THTPA: variants seen among roughly 807,000 people sequenced by gnomAD.
The protein encoded by THTPA is thiamine triphosphatase, also known as thiamine-triphosphatase.
In THTPA, 16 loss-of-function variants were observed where a neutral mutation model predicts 16.5. The observed-to-expected ratio is 0.97, with a 90% confidence interval of 0.66 to 1.47. The LOEUF is 1.47. Among genes scored for constraint, THTPA ranks in the 40% most tolerant of loss-of-function variants. The probability of loss-of-function intolerance (pLI) is 0.00; values close to 1 mark genes in which losing one functional copy is unlikely to be tolerated. For synonymous variants in THTPA, 110 were observed against 115.5 expected, an observed-to-expected ratio of 0.95 and a Z score of 0.30; for missense variants, 281 against 280.9, an observed-to-expected ratio of 1.00 and a Z score of 0.00.
rs1396982357 is a variant in THTPA at position 23,559,584 on chromosome 14, C to T, written c.*744C>T. On this transcript the variant is annotated 3_prime_UTR_variant, in exon 2 of 2. Transcript: ENST00000288014. Reference sequence around the variant, plus strand: ...CCCAAATATGGCTTTCCTCACTTCTCAGGCTTTATTGGGCTTTATTTGTGG... The same window carrying T: ...CCCAAATATGGCTTTCCTCACTTCTTAGGCTTTATTGGGCTTTATTTGTGG... 6 of 633,844 alleles carry T rather than the reference C, an allele frequency of 9.5e-6. No homozygotes were observed. Among genetic ancestry groups the T allele is most frequent in the Non-Finnish European group, 1.7e-5 (6 of 355,118 alleles). 39.3% of individuals were successfully genotyped at this position (633,844 alleles called of 1,614,324 possible).
the THTPA span, chr14:23,524,400 C>T: frequency 6.5e-7 from 1 of 1,536,232 alleles, no homozygotes; most frequent in African/African-American, 1.4e-5. This position sits in a 1 kb window ranked among gnomAD's most constrained non-coding sequence, Gnocchi z 5.6. Flanking sequence ...TCCCCTCCTC[C>T]CCCTGCTTCA....
chr14:23,529,990 C>A, the THTPA span: 2 of 1,063,666 alleles, frequency 1.9e-6, no homozygotes. Context: ...CCTCCCTTCC[C>A]CCTGATGAGC....
At chr14:23,531,300 G>C in the THTPA span, 1 of 889,942 alleles carries the variant, frequency 1.1e-6, no homozygotes, top group Non-Finnish European at 1.5e-6. Flanking sequence ...ACTCAAGGTA[G>C]CCTCCACAGT....
intron 1 of THTPA, among the ~76,000 whole-genome samples, chr14:23,557,694 C>T (rs1205948882): frequency 6.6e-6 from 1 of 152,220 alleles, no homozygotes. Flanking sequence ...ATACCTATAG[C>T]CAGATCTCCT....
chr14:23,532,804 T>C, the THTPA span: 12 of 1,536,182 alleles, frequency 7.8e-6, no homozygotes, highest in East Asian at 9.8e-5. Flanking sequence ...TGAGGTGGAG[T>C]TGGAAGTTGG....
chr14:23,559,717 A>G lies in THTPA; in HGVS notation c.*877A>G. 6.2e-7 allele frequency: 1 copy of G among 1,607,900 alleles called. No homozygotes were observed. On this transcript the variant is annotated 3_prime_UTR_variant, in exon 2 of 2. Transcript: ENST00000288014. ...GCTGGGGCCCCCTGGGGTTTGGGAC[A>G]CAGGAGAATTTCAGGCTGTGAGTGG...
chr14:23,535,255 G>A, the THTPA span: 1 of 1,508,746 alleles, frequency 6.6e-7, no homozygotes, highest in Non-Finnish European at 8.9e-7. The surrounding 1 kb of genome is among the most constrained non-coding windows in gnomAD (Gnocchi z 4.5). Flanking sequence ...GGTGTCCGAA[G>A]GCAGGGACGG....
chr14:23,549,357 A>G, the THTPA span, among the ~76,000 whole-genome samples: 1 of 152,030 alleles, frequency 6.6e-6, no homozygotes, highest in Admixed American at 6.6e-5. Context: ...GAAATCGTCC[A>G]TCTTCTGCCC....
the THTPA span, among the ~76,000 whole-genome samples, chr14:23,538,810 G>A: frequency 1.3e-5 from 2 of 152,158 alleles, no homozygotes; most frequent in African/African-American, 2.4e-5. Flanking sequence ...AGGGCTGGGG[G>A]CCTCTGTGAA....
chr14:23,524,540 G>A, the THTPA span: 2 of 1,527,256 alleles, frequency 1.3e-6, no homozygotes, highest in Non-Finnish European at 1.8e-6. The surrounding 1 kb of genome is among the most constrained non-coding windows in gnomAD (Gnocchi z 5.6). Context: ...GAGTTGGGGG[G>A]GAGCACTGGG....
At chr14:23,541,867 C>G in the THTPA span, among the ~76,000 whole-genome samples, 2 of 152,086 alleles carry the variant, frequency 1.3e-5, no homozygotes, top group African/African-American at 4.8e-5. Flanking sequence ...AGAAAACAAA[C>G]AGTACTTTGA....
At chr14:23,555,391 T>G (rs982451535), upstream of THTPA, among the ~76,000 whole-genome samples, 8 of 152,212 alleles carry the variant, frequency 5.3e-5, no homozygotes, top group African/African-American at 1.9e-4. Context: ...AGTCTAGCAC[T>G]CAAGGCTTTT....
At chr14:23,516,376 G>T in the THTPA span, among the ~76,000 whole-genome samples, 18 of 152,196 alleles carry the variant, frequency 1.2e-4, no homozygotes, top group African/African-American at 4.1e-4. Context: ...TTGTTGTGGG[G>T]TGTGTGTATG....
chr14:23,560,097 T>C lies in THTPA; in HGVS notation c.*1257T>C. ...GTAGGTAGGGCTCAGGCAGCCCCTC[T>C]ATACTCAGTGGCTCCACACCCTTTT... On this transcript the variant is annotated 3_prime_UTR_variant, in exon 2 of 2. Coordinates refer to ENST00000288014, the MANE Select transcript of THTPA (RefSeq NM_024328.6). 7.1e-7 allele frequency: 1 copy of C among 1,409,214 alleles called. No individual in the cohort carries two copies. Among genetic ancestry groups the C allele is most frequent in the East Asian group, 2.4e-5 (1 of 42,368 alleles). The allele number at this position is 1,409,214 out of a possible 1,614,324, so 87.3% of individuals were successfully genotyped here.
At chr14:23,533,823 G>A in the THTPA span, 1 of 1,543,364 alleles carries the variant, frequency 6.5e-7, no homozygotes, top group Non-Finnish European at 8.7e-7. The surrounding 1 kb of genome is among the most constrained non-coding windows in gnomAD (Gnocchi z 4.8). Flanking sequence ...AGCCACAGTT[G>A]TAGCTCTCTC....
At chr14:23,527,540 TCCTC>T in the THTPA span, 1 of 1,523,558 alleles carries the variant, frequency 6.6e-7, no homozygotes, top group African/African-American at 1.4e-5. Context: ...CCCTGCCTCT[TCCTC>T]CCCTCCTGCA....
upstream of THTPA, among the ~76,000 whole-genome samples, chr14:23,552,278 G>A (rs1394771975): frequency 2.7e-5 from 4 of 150,616 alleles, no homozygotes; most frequent in African/African-American, 7.3e-5. Flanking sequence ...CGCTTATTAA[G>A]TGCTCCTGAA....
chr14:23,550,782 T>A, the THTPA span, among the ~76,000 whole-genome samples: 1 of 152,072 alleles, frequency 6.6e-6, no homozygotes, highest in Non-Finnish European at 1.5e-5. Flanking sequence ...AAAGCCCAAC[T>A]TCAGCCAAAA....
Position 23,560,088 on chromosome 14 carries a change from C to A in THTPA, c.*1248C>A, listed in dbSNP as rs946374510. The A allele has an allele frequency of 1.4e-6, 2 of 1,430,434 alleles. No homozygotes were observed. Among genetic ancestry groups the A allele is most frequent in the African/African-American group, 2.8e-5 (2 of 71,324 alleles). The allele number at this position is 1,430,434 out of a possible 1,614,324, so 88.6% of individuals were successfully genotyped here. On this transcript the variant is annotated 3_prime_UTR_variant, in exon 2 of 2. Transcript: ENST00000288014. ...AGTATGGCAGTAGGTAGGGCTCAGG[C>A]AGCCCCTCTATACTCAGTGGCTCCA...
Sources: allele counts gnomAD v4.1 joint callset (sites outside exome capture counted in the v4.1 genomes callset), GRCh38; gene constraint gnomAD v4.1.1; non-coding constraint Gnocchi (gnomAD v3.1); transcripts MANE v1.5; gene names NCBI Gene and HGNC (gene_info 2026-07-23, HGNC 2026-07-21).